Variants in ANO3 observed in about 807,000 individuals in gnomAD.
ANO3 encodes the protein anoctamin-3.
A neutral mutation model predicts 144.8 loss-of-function variants in ANO3; 99 were observed. The observed-to-expected ratio is 0.68, with a 90% CI of 0.58 to 0.81. The LOEUF is 0.81. ANO3 is among the 30% of genes least tolerant of loss of function. The pLI, the probability that ANO3 is intolerant of heterozygous loss-of-function variation, is 0.00. For synonymous variants in ANO3, 414 were observed against 392.6 expected (o/e 1.05, Z -0.64); for missense variants, 905 against 1,202.2 (o/e 0.75, Z 3.66).
At chr11:26,606,552 T>C (rs974161793) in intron 17 of ANO3, among the ~76,000 whole-genome samples, 2 of 151,736 alleles carry the variant, frequency 1.3e-5, no homozygotes, top group Non-Finnish European at 2.9e-5. Flanking sequence ...CTATTCTTTG[T>C]TGGTTTAAAG....
At chr11:26,255,039 C>G (rs1853024424) in intron 1 of ANO3, among the ~76,000 whole-genome samples, 1 of 152,136 alleles carries the variant, frequency 6.6e-6, no homozygotes, top group South Asian at 2.1e-4. Context: ...TCAGTTGTTT[C>G]TCTGTAACCC....
At chr11:26,515,689 C>A (rs1487499888) in intron 5 of ANO3, among the ~76,000 whole-genome samples, 2 of 151,860 alleles carry the variant, frequency 1.3e-5, no homozygotes, top group Non-Finnish European at 1.5e-5. Context: ...TACTCTTGAG[C>A]TTTTAAGATT....
At chr11:26,350,291 C>A (rs1305961054) in intron 1 of ANO3, among the ~76,000 whole-genome samples, 1 of 152,134 alleles carries the variant, frequency 6.6e-6, no homozygotes, top group Non-Finnish European at 1.5e-5. Context: ...GGGCCCCGCA[C>A]AAGTATGGGC....
intron 1 of ANO3, among the ~76,000 whole-genome samples, chr11:26,223,361 C>T (rs1415489993): frequency 6.6e-6 from 1 of 152,010 alleles, no homozygotes; most frequent in African/African-American, 2.4e-5. Context: ...GATCTGAGAC[C>T]TCATAAACCT....
chr11:26,526,441 T>C (rs554243235), intron 7 of ANO3, among the ~76,000 whole-genome samples: 3 of 152,150 alleles, frequency 2.0e-5, no homozygotes, highest in African/African-American at 7.2e-5. Flanking sequence ...AGATAAAGCA[T>C]GTGAATGTGG....
chr11:26,247,364 C>A (rs938653524), intron 1 of ANO3, among the ~76,000 whole-genome samples: 1 of 152,162 alleles, frequency 6.6e-6, no homozygotes, highest in African/African-American at 2.4e-5. Flanking sequence ...TTCAATGCCA[C>A]TTTTATCAGA....
At chr11:26,579,933 T>C (rs574328391) in intron 14 of ANO3, among the ~76,000 whole-genome samples, 2 of 152,174 alleles carry the variant, frequency 1.3e-5, no homozygotes, top group African/African-American at 2.4e-5. Flanking sequence ...GTGTAGAATA[T>C]GTAACAACAT....
chr11:26,544,281 T>TATATAC (rs1849729404), intron 11 of ANO3, among the ~76,000 whole-genome samples: 4 of 86,986 alleles, frequency 4.6e-5, no homozygotes, highest in African/African-American at 1.6e-4. Flanking sequence ...TATACACACA[T>TATATAC]ACACACACAC....
At chr11:26,595,683 G>C (rs753512674) in intron 14 of ANO3, among the ~76,000 whole-genome samples, 36 of 152,002 alleles carry the variant, frequency 2.4e-4, no homozygotes, top group Middle Eastern at 6.8e-3. Context: ...AGGTCTGATC[G>C]GACTTTGTAT....
chr11:26,470,426 CA>C (rs1859738793), intron 4 of ANO3, among the ~76,000 whole-genome samples: 1 of 136,190 alleles, frequency 7.3e-6, no homozygotes, highest in African/African-American at 2.9e-5. Flanking sequence ...AAAAAAAAAA[CA>C]GAAAAAAAAA....
intron 12 of ANO3, among the ~76,000 whole-genome samples, chr11:26,551,977 A>C (rs1403912253): frequency 6.6e-6 from 1 of 152,014 alleles, no homozygotes; most frequent in Non-Finnish European, 1.5e-5. Context: ...CCCTTAAAAT[A>C]TGAAACAAAC....
At chr11:26,355,914 A>G (rs1360056712) in intron 1 of ANO3, among the ~76,000 whole-genome samples, 4 of 152,188 alleles carry the variant, frequency 2.6e-5, no homozygotes, top group Non-Finnish European at 5.9e-5. Context: ...GTTGTTCATT[A>G]TGTTGACCAC....
chr11:26,198,038 G>C (rs774876569), intron 1 of ANO3, among the ~76,000 whole-genome samples: 2 of 152,084 alleles, frequency 1.3e-5, no homozygotes, highest in Non-Finnish European at 2.9e-5. Context: ...AAATGGTGGT[G>C]AGTGAGGACC....
At chr11:26,541,833 T>G in intron 10 of ANO3, 114 bp from the exon 11 acceptor site, 1 of 991,940 alleles carries the variant, frequency 1.0e-6, no homozygotes, top group South Asian at 2.4e-5. Context: ...AGTTTATCAT[T>G]TTTGAAGCTT....
At chr11:26,454,566 G>A (rs1236932229) in intron 3 of ANO3, among the ~76,000 whole-genome samples, 2 of 151,962 alleles carry the variant, frequency 1.3e-5, no homozygotes, top group Non-Finnish European at 2.9e-5. Context: ...AACAGGAGCT[G>A]AAATTGTGGC....
At chr11:26,473,822 C>G (rs1859866444) in intron 4 of ANO3, 1 of 609,244 alleles carries the variant, frequency 1.6e-6, no homozygotes. Flanking sequence ...GCCCCCTATT[C>G]CACCCTATAA....
chr11:26,235,918 AT>A (rs1427669842), intron 1 of ANO3, among the ~76,000 whole-genome samples: 2 of 152,058 alleles, frequency 1.3e-5, no homozygotes, highest in African/African-American at 4.8e-5. Context: ...GATCTCACAC[AT>A]CTCTTGAAAG....
At chr11:26,437,846 C>A (rs1488079545) in intron 1 of ANO3, among the ~76,000 whole-genome samples, 1 of 7,136 alleles carries the variant, frequency 1.4e-4, no homozygotes, top group Non-Finnish European at 3.4e-3. Context: ...CACAAAAATC[C>A]TAATAAAAAT....
At chr11:26,621,220 G>A (rs1335104074) in intron 17 of ANO3, among the ~76,000 whole-genome samples, 1 of 152,154 alleles carries the variant, frequency 6.6e-6, no homozygotes, top group African/African-American at 2.4e-5. Flanking sequence ...GGAAGATGAT[G>A]AAGTCTTAGC....
Sources: allele counts gnomAD v4.1 joint callset (sites outside exome capture counted in the v4.1 genomes callset), GRCh38; gene constraint gnomAD v4.1.1; transcripts MANE v1.5; gene names NCBI Gene and HGNC (gene_info 2026-07-23, HGNC 2026-07-21).